The following MAST3 variants were observed in gnomAD, a reference collection of about 807,000 sequenced individuals.
The protein encoded by MAST3 is microtubule-associated serine/threonine-protein kinase 3.
MAST3 carries 43 observed loss-of-function variants against 127.0 expected under a neutral mutation model. The ratio of observed to expected loss-of-function variants is 0.34; its 90% confidence interval spans 0.27 to 0.44. The LOEUF (loss-of-function observed/expected upper bound fraction) is 0.44. Among genes scored for constraint, MAST3 ranks in the 20% least tolerant of loss-of-function variants. MAST3 has a pLI of 1.00. For missense variants in MAST3, 1,390 were observed against 1,919.1 expected (o/e 0.72, Z 5.15); for synonymous variants, 785 against 809.2 (o/e 0.97, Z 0.51).
In MAST3 at chr19:18,144,745, A is replaced by C; in HGVS notation, c.2812+52A>C. ...TGTCTGTCTGCACCCATTTTCACCA[A>C]CAGGGTGGGGGCCCTTCCTGAGTTG... On this transcript the variant is annotated intron_variant, in intron 23 of 27. Coordinates refer to ENST00000687212, the MANE Select transcript of MAST3 (RefSeq NM_001393504.1). The surrounding 1 kb of genome is among the most constrained non-coding windows in gnomAD (Gnocchi z 4.0). The C allele has an allele frequency of 3.2e-6, 5 of 1,575,728 alleles. No individual in the cohort carries two copies. The highest frequency in any genetic ancestry group is 4.3e-6 in the Non-Finnish European group (5 of 1,157,784).
intron 1 of MAST3, among the ~76,000 whole-genome samples, chr19:18,105,033 A>T (rs1006570959): frequency 1.3e-5 from 2 of 152,210 alleles, no homozygotes; most frequent in African/African-American, 4.8e-5. Context: ...GTGTCCCCAG[A>T]TTCTAAACTT....
At chr19:18,138,180 A>C (rs945920881) in intron 19 of MAST3, among the ~76,000 whole-genome samples, 2 of 148,280 alleles carry the variant, frequency 1.3e-5, no homozygotes, top group South Asian at 2.1e-4. Flanking sequence ...ATTGCACTCC[A>C]GCTTGCGCAA....
chr19:18,138,208 GAAAAAAA>G (rs72398038), intron 19 of MAST3, among the ~76,000 whole-genome samples: 129 of 142,806 alleles, frequency 9.0e-4, no homozygotes, highest in African/African-American at 1.9e-3. Context: ...AAAACTGCCT[GAAAAAAA>G]AAAAAAAAAA....
At position 18,143,873 on chromosome 19, in the gene MAST3, A is replaced by G; in HGVS notation, c.2450A>G (p.Lys817Arg). The change falls in exon 22 of 28, where the codon AAG (lysine) becomes AGG (arginine). Residue 817 changes from lysine (K) to arginine (R), a missense_variant. Around this residue, in one of 5 missense-constraint regions of MAST3, gnomAD observed 816 missense variants for 934.1 expected, o/e 0.87. Transcript: ENST00000687212. ...ACCATCAGCCTGGACACAATGCCCA[A>G]GTTTGCCTTCTCATCAGAGGATGAG... ...LNTISLDTMP[K>R]FAFSSEDEGV... The G allele has an allele frequency of 2.5e-6, 4 of 1,613,908 alleles. No homozygotes were observed. Among genetic ancestry groups the G allele is most frequent in the Non-Finnish European group, 3.4e-6 (4 of 1,179,882 alleles).
chr19:18,134,541 G>A (rs745336788), intron 15 of MAST3, 38 bp from the exon 16 acceptor site: 9 of 1,574,288 alleles, frequency 5.7e-6, no homozygotes, highest in Non-Finnish European at 6.1e-6. Flanking sequence ...AGGCACCCCA[G>A]CCCCCCAGCT....
chr19:18,132,120 G>T (rs1599811054), intron 15 of MAST3, 73 bp downstream of exon 15: 1 of 1,580,192 alleles, frequency 6.3e-7, no homozygotes, highest in African/African-American at 1.3e-5. Flanking sequence ...GGCCAAAGAG[G>T]ATCAGGGCAG....
intron 21 of MAST3, 93 bp from the exon 22 acceptor site, chr19:18,143,670 C>T: frequency 5.3e-6 from 8 of 1,504,316 alleles, no homozygotes; most frequent in Non-Finnish European, 6.3e-6. Context: ...CCCTTGACTG[C>T]AGACTGAGAG....
rs76802178 is a variant in MAST3 at position 18,142,367 on chromosome 19, T to C, written c.2339+352T>C. Among the ~76,000 whole-genome samples, 10 of 148,810 alleles carry C rather than the reference T, an allele frequency of 6.7e-5. No individual in the cohort carries two copies. In the South Asian group the frequency reaches 2.2e-3, roughly 33 times the overall value. ...CTGGCCTTTTTTTTTTTTTTTTTTT[T>C]TTGAGACGGAGTCTCGCTCTGTCGC... On this transcript the variant is annotated intron_variant, in intron 21 of 27. Transcript: ENST00000687212.
Position 18,144,075 on chromosome 19 carries a change from G to T in MAST3, c.2584+68G>T. On this transcript the variant is annotated intron_variant, in intron 22 of 27. Transcript: ENST00000687212. The surrounding 1 kb of genome is among the most constrained non-coding windows in gnomAD (Gnocchi z 4.0). ...TCCCAGAGGAGGGGCTATTTGAGAT[G>T]GGTTTTCAAGGATGAGTAGGAGTTC... 6.6e-7 allele frequency: 1 copy of T among 1,518,258 alleles called. No individual in the cohort carries two copies. 94.0% of individuals were successfully genotyped at this position (1,518,258 alleles called of 1,614,324 possible).
chr19:18,128,071 T>G (rs987553134), intron 11 of MAST3, among the ~76,000 whole-genome samples: 1 of 152,184 alleles, frequency 6.6e-6, no homozygotes, highest in African/African-American at 2.4e-5. Context: ...CCACCTGGGC[T>G]GCACCCTGAG....
At chr19:18,108,716 T>G (rs1599669460) in intron 2 of MAST3, among the ~76,000 whole-genome samples, 1 of 152,328 alleles carries the variant, frequency 6.6e-6, no homozygotes. Context: ...TATTGTTCAA[T>G]GCTTTCATTC....
Position 18,145,170 on chromosome 19 carries a change from C to T in MAST3, c.2980C>T (p.Arg994Trp), listed in dbSNP as rs775231850. The T allele has an allele frequency of 1.2e-5, 20 of 1,613,832 alleles. No individual in the cohort carries two copies. The highest frequency in any genetic ancestry group is 4.5e-5 in the East Asian group (2 of 44,890). The change falls in exon 24 of 28, where the codon CGG becomes TGG. Residue 994 changes from arginine (R) to tryptophan (W), a missense_variant. Coordinates refer to ENST00000687212, the MANE Select transcript of MAST3 (RefSeq NM_001393504.1). This position sits in a 1 kb window ranked among gnomAD's most constrained non-coding sequence, Gnocchi z 5.9. ...SSGKKYGFSL[R>W]AIRVYMGDSD... ...TGGCAAGAAGTACGGCTTCAGCCTGCGGGCGATCCGCGTCTACATGGGTGA... is the reference window on the plus strand; with the variant it reads ...TGGCAAGAAGTACGGCTTCAGCCTGTGGGCGATCCGCGTCTACATGGGTGA...
chr19:18,118,462 T>A (rs748560535), intron 3 of MAST3, among the ~76,000 whole-genome samples: 23 of 152,210 alleles, frequency 1.5e-4, no homozygotes, highest in Middle Eastern at 6.8e-3. Flanking sequence ...GGGGTGTCTG[T>A]CCGCCAGCGT....
Position 18,151,454 on chromosome 19 carries a change from G to C in MAST3, c.*1728G>C, listed in dbSNP as rs2043519510. ...TTGTCATCAAGGGAGCTTGAATGGA[G>C]GGTCTGGTGTCAGATACAGCCGACT... On this transcript the variant is annotated 3_prime_UTR_variant, in exon 28 of 28. Transcript: ENST00000687212. 1 of 152,200 alleles carries C rather than the reference G, an allele frequency of 6.6e-6. No homozygotes were observed. Among genetic ancestry groups the C allele is most frequent in the Non-Finnish European group, 1.5e-5 (1 of 68,036 alleles). The allele number at this position is 152,200 out of a possible 1,614,324, so 9.4% of individuals were successfully genotyped here. A position where few individuals can be genotyped will look rare whatever the true frequency, so the allele number is the denominator to read the frequency against.
intron 3 of MAST3, among the ~76,000 whole-genome samples, chr19:18,117,294 C>T (rs986198005): frequency 6.6e-6 from 1 of 152,164 alleles, no homozygotes; most frequent in East Asian, 1.9e-4. Flanking sequence ...CGCCCCCTTA[C>T]ATCTGATTTG....
At chr19:18,137,948 TA>T (rs1307608107) in intron 19 of MAST3, among the ~76,000 whole-genome samples, 4 of 152,196 alleles carry the variant, frequency 2.6e-5, no homozygotes, top group African/African-American at 9.6e-5. Flanking sequence ...CTCAAGCCTT[TA>T]ATCCCAGAAC....
chr19:18,149,346 A>G lies in MAST3; in HGVS notation c.3664A>G (p.Ile1222Val). The change falls in exon 28 of 28, where the codon ATC (isoleucine) becomes GTC (valine). Residue 1222 changes from isoleucine to valine, a missense_variant. This residue lies in a region of MAST3 where 816 missense variants were observed against 934.1 expected (regional missense o/e 0.87). Coordinates refer to ENST00000687212, the MANE Select transcript of MAST3 (RefSeq NM_001393504.1). This position sits in a 1 kb window ranked among gnomAD's most constrained non-coding sequence, Gnocchi z 5.9. ...TGGCCGCCGCAAGTCCACCAGCAGC[A>G]TCCCGCCCTCCCCGCTGGCCTGCCC... The part of the protein sequence containing the change: ...KTGRRKSTSS[I>V]PPSPLACPPI... 1 of 1,517,458 alleles carries G rather than the reference A, an allele frequency of 6.6e-7. No individual in the cohort carries two copies. Among genetic ancestry groups the G allele is most frequent in the Non-Finnish European group, 8.8e-7 (1 of 1,135,082 alleles). The allele number at this position is 1,517,458 out of a possible 1,614,324, so 94.0% of individuals were successfully genotyped here.
At chr19:18,100,745 C>T (rs2037525320) in intron 1 of MAST3, among the ~76,000 whole-genome samples, 2 of 152,182 alleles carry the variant, frequency 1.3e-5, no homozygotes, top group Non-Finnish European at 2.9e-5. Context: ...TCATCAGCCC[C>T]AGTTTGGGGT....
chr19:18,124,363 T>C lies in MAST3; in HGVS notation c.942T>C (p.Cys314=). Residue 314 remains cysteine, a synonymous_variant, in exon 10 of 28, where the codon TGT becomes TGC. Transcript: ENST00000687212. ...IISRPARLLE[C]LEFDPEEFYH... ...CACGGCCAGCTCGGCTGCTGGAGTG[T>C]CTGGTAAGTTTCTCTTTCTACGGCC... 1.3e-6 allele frequency: 2 copies of C among 1,598,672 alleles called. No homozygotes were observed. The highest frequency in any genetic ancestry group is 2.3e-5 in the South Asian group (2 of 88,552).
Sources: allele counts gnomAD v4.1 joint callset (sites outside exome capture counted in the v4.1 genomes callset), GRCh38; gene constraint gnomAD v4.1.1; regional missense constraint gnomAD v4.1.1; non-coding constraint Gnocchi (gnomAD v3.1); transcripts MANE v1.5; gene names NCBI Gene and HGNC (gene_info 2026-07-23, HGNC 2026-07-21).